PTAFR: variants seen among roughly 807,000 people sequenced by gnomAD.
The protein encoded by PTAFR is platelet-activating factor receptor.
A neutral mutation model predicts 14.7 loss-of-function variants in PTAFR; 8 were observed. The observed-to-expected ratio is 0.54, with a 90% CI of 0.32 to 0.98. PTAFR has a LOEUF of 0.98. Ranked by LOEUF, PTAFR falls within the 50% of genes least tolerant of loss-of-function variation. The pLI is 0.04. For synonymous variants in PTAFR, 156 were observed against 176.5 expected, an observed-to-expected ratio of 0.88 and a Z score of 0.92; for missense variants, 337 against 451.2, an observed-to-expected ratio of 0.75 and a Z score of 2.29.
intron 1 of PTAFR, among the ~76,000 whole-genome samples, chr1:28,167,647 T>TA (rs1360125667): frequency 1.5e-4 from 21 of 135,770 alleles, no homozygotes; most frequent in African/African-American, 5.7e-4. Flanking sequence ...TTTTTTTTTT[T>TA]TTTTTTTTTT....
chr1:28,168,334 C>T (rs1029275868), intron 1 of PTAFR, among the ~76,000 whole-genome samples: 1 of 152,088 alleles, frequency 6.6e-6, no homozygotes, highest in African/African-American at 2.4e-5. Flanking sequence ...TCACAATCAT[C>T]AAGCGTGGAA....
In PTAFR at chr1:28,192,558, C is replaced by CA. The variant is rs375926757; in HGVS notation, c.-39+1163dup. Among the ~76,000 whole-genome samples the CA allele has an allele frequency of 7.3e-3, 411 of 56,034 alleles. 9 individuals are homozygous for CA. The highest frequency in any genetic ancestry group is 0.016 in the Middle Eastern group (2 of 126). 36.8% of individuals were successfully genotyped at this position (56,034 alleles called of 152,430 possible). A position where few individuals can be genotyped will look rare whatever the true frequency, so the allele number is the denominator to read the frequency against. The stretch of plus-strand genomic sequence containing the variant: ...GGGCAATGAGAGCAAAACTCCGTCT[C>CA]AAAAAAAAAAAAAAAAAAAAGATAA... On this transcript the variant is annotated intron_variant, in intron 1 of 1. Transcript: ENST00000305392.
chr1:28,189,555 G>A (rs1198122743), intron 1 of PTAFR, among the ~76,000 whole-genome samples: 1 of 151,794 alleles, frequency 6.6e-6, no homozygotes, highest in Non-Finnish European at 1.5e-5. Context: ...GGAGGTTGCA[G>A]TGAGCCGAGA....
chr1:28,187,027 G>A (rs180841321), intron 1 of PTAFR, among the ~76,000 whole-genome samples: 8 of 152,326 alleles, frequency 5.3e-5, no homozygotes, highest in African/African-American at 1.9e-4. Context: ...CTGAGTTCAA[G>A]TGATCTGCCC....
intron 1 of PTAFR, among the ~76,000 whole-genome samples, chr1:28,162,239 G>A (rs542944882): frequency 6.6e-6 from 1 of 152,234 alleles, no homozygotes; most frequent in African/African-American, 2.4e-5. Flanking sequence ...TTGGAGGTCA[G>A]AGATGGTGGT....
intron 1 of PTAFR, among the ~76,000 whole-genome samples, chr1:28,156,010 C>T (rs1646259623): frequency 6.6e-6 from 1 of 151,724 alleles, no homozygotes; most frequent in Non-Finnish European, 1.5e-5. Flanking sequence ...GCCTGTAATA[C>T]CAGCACTTTG....
intron 1 of PTAFR, among the ~76,000 whole-genome samples, chr1:28,165,656 G>T (rs544129868): frequency 2.0e-5 from 3 of 151,612 alleles, no homozygotes; most frequent in Non-Finnish European, 2.9e-5. Flanking sequence ...GGTGGCAGGC[G>T]CCTGTAGTCC....
intron 1 of PTAFR, among the ~76,000 whole-genome samples, chr1:28,173,671 A>G (rs1279684582): frequency 5.1e-5 from 7 of 138,542 alleles, no homozygotes; most frequent in Non-Finnish European, 4.7e-5. Context: ...AAAAAAGAGG[A>G]GGGGGGGCGG....
At chr1:28,187,677 T>G (rs1240595961) in intron 1 of PTAFR, among the ~76,000 whole-genome samples, 1 of 152,064 alleles carries the variant, frequency 6.6e-6, no homozygotes, top group Non-Finnish European at 1.5e-5. Context: ...AAGGTGGGGT[T>G]TCGCCATGTT....
intron 1 of PTAFR, among the ~76,000 whole-genome samples, chr1:28,152,287 C>T (rs1253866004): frequency 1.3e-5 from 2 of 152,048 alleles, no homozygotes; most frequent in Admixed American, 6.6e-5. Flanking sequence ...TTCTGTTTCT[C>T]TTCTTTTATT....
At chr1:28,170,283 C>G (rs975115516) in intron 1 of PTAFR, among the ~76,000 whole-genome samples, 2 of 152,176 alleles carry the variant, frequency 1.3e-5, no homozygotes, top group Non-Finnish European at 2.9e-5. Flanking sequence ...AGGTGAGCCT[C>G]TGTACACACA....
chr1:28,192,942 C>A (rs1256841974), intron 1 of PTAFR, among the ~76,000 whole-genome samples: 1 of 152,194 alleles, frequency 6.6e-6, no homozygotes, highest in Non-Finnish European at 1.5e-5. Context: ...TAGGAAGCAG[C>A]ACTGAGACAG....
At chr1:28,175,852 C>T (rs1168042140) in intron 1 of PTAFR, among the ~76,000 whole-genome samples, 2 of 152,082 alleles carry the variant, frequency 1.3e-5, no homozygotes, top group Non-Finnish European at 2.9e-5. Context: ...GAAAACTGCA[C>T]AGAGATGGAG....
chr1:28,187,693 A>T (rs1646618125), intron 1 of PTAFR, among the ~76,000 whole-genome samples: 1 of 152,050 alleles, frequency 6.6e-6, no homozygotes, highest in Non-Finnish European at 1.5e-5. Context: ...ATGTTGCCCA[A>T]GCTGTTCTCA....
chr1:28,190,310 A>G (rs1030606641), intron 1 of PTAFR, among the ~76,000 whole-genome samples: 4 of 152,170 alleles, frequency 2.6e-5, no homozygotes, highest in Non-Finnish European at 5.9e-5. Flanking sequence ...ATTATGCTGG[A>G]GAATGCAATA....
intron 1 of PTAFR, among the ~76,000 whole-genome samples, chr1:28,166,755 T>C (rs1168967876): frequency 6.6e-6 from 1 of 151,856 alleles, no homozygotes; most frequent in East Asian, 1.9e-4. Context: ...GGTAGGAGGA[T>C]TGCTTGAAGC....
chr1:28,149,791 C>T lies in PTAFR; in HGVS notation c.*202G>A, dbSNP rs907208789. The T allele has an allele frequency of 2.1e-5, 13 of 623,772 alleles. No individual in the cohort carries two copies. Among genetic ancestry groups the T allele is most frequent in the South Asian group, 1.0e-4 (5 of 48,068 alleles). The allele number at this position is 623,772 out of a possible 1,614,324, so 38.6% of individuals were successfully genotyped here. A position where few individuals can be genotyped will look rare whatever the true frequency, so the allele number is the denominator to read the frequency against. The stretch of plus-strand genomic sequence containing the variant: ...AGTTACTGTAGTATGCGCCCACAGG[C>T]GGATGAAGGGGCTCATTTGAGTTCT... On this transcript the variant is annotated 3_prime_UTR_variant, in exon 2 of 2. Transcript: ENST00000373857.
chr1:28,150,446 C>G lies in PTAFR; in HGVS notation c.576G>C (p.Val192=). Reference sequence around the variant, plus strand: ...TGAGGAAGACCAGGAAGAAGCTGAACACGATGAAGATGTGGATGATGAGGA... The same window carrying G: ...TGAGGAAGACCAGGAAGAAGCTGAAGACGATGAAGATGTGGATGATGAGGA... ...VPVLIIHIFI[V]FSFFLVFLII... Residue 192 remains valine, a synonymous_variant, in exon 2 of 2, where the codon GTG becomes GTC. Transcript: ENST00000373857. This position sits in a 1 kb window ranked among gnomAD's most constrained non-coding sequence, Gnocchi z 6.3. The G allele has an allele frequency of 6.2e-7, 1 of 1,614,160 alleles. No individual in the cohort carries two copies. The highest frequency in any genetic ancestry group is 2.2e-5 in the East Asian group (1 of 44,890).
chr1:28,192,317 T>C (rs1646660144), intron 1 of PTAFR, among the ~76,000 whole-genome samples: 1 of 152,108 alleles, frequency 6.6e-6, no homozygotes, highest in South Asian at 2.1e-4. Flanking sequence ...CCCAGCACTT[T>C]GGGAGACCGA....
Sources: allele counts gnomAD v4.1 joint callset (sites outside exome capture counted in the v4.1 genomes callset), GRCh38; gene constraint gnomAD v4.1.1; non-coding constraint Gnocchi (gnomAD v3.1); transcripts MANE v1.5; gene names NCBI Gene and HGNC (gene_info 2026-07-23, HGNC 2026-07-21).